The following PGAP1 variants were observed in gnomAD, a reference collection of about 807,000 sequenced individuals.
PGAP1 encodes the protein post-GPI attachment to proteins inositol deacylase 1.
A neutral mutation model predicts 127.0 loss-of-function variants in PGAP1; 76 were observed. The ratio of observed to expected loss-of-function variants is 0.60; its 90% CI spans 0.50 to 0.72. The LOEUF is 0.72. PGAP1 is among the 30% of genes least tolerant of loss of function. PGAP1 has a pLI of 0.00. For synonymous variants in PGAP1, 362 were observed against 366.5 expected, an observed-to-expected ratio of 0.99 and a Z score of 0.14; for missense variants, 982 against 1,071.3, an observed-to-expected ratio of 0.92 and a Z score of 1.16.
At chr2:196,842,409 A>C (rs1012735686) in intron 26 of PGAP1, among the ~76,000 whole-genome samples, 2 of 152,162 alleles carry the variant, frequency 1.3e-5, no homozygotes, top group African/African-American at 4.8e-5. Flanking sequence ...TCAGCCTCAA[A>C]AATTATCAAA....
chr2:196,916,618 A>G (rs761197696), intron 2 of PGAP1, 25 bp from the exon 3 acceptor site: 14 of 1,563,304 alleles, frequency 9.0e-6, no homozygotes, highest in Admixed American at 7.8e-5. Context: ...AGTGAAGTGC[A>G]CATTAAACAA....
At chr2:196,892,570 A>G (rs898056053) in intron 8 of PGAP1, among the ~76,000 whole-genome samples, 169 bp from the exon 9 acceptor site, 11 of 152,110 alleles carry the variant, frequency 7.2e-5, no homozygotes, top group African/African-American at 2.4e-5. Flanking sequence ...CTATACACTC[A>G]TCACCAACTA....
chr2:196,854,085 G>A (rs1322720120), intron 20 of PGAP1, among the ~76,000 whole-genome samples: 1 of 151,594 alleles, frequency 6.6e-6, no homozygotes, highest in South Asian at 2.1e-4. Flanking sequence ...TTTGTACAGA[G>A]AGGGTTTCAC....
intron 2 of PGAP1, among the ~76,000 whole-genome samples, chr2:196,917,430 C>T (rs1257496566): frequency 6.6e-6 from 1 of 152,164 alleles, no homozygotes; most frequent in African/African-American, 2.4e-5. Flanking sequence ...TTACAACCAT[C>T]TCTGAAATCT....
At position 196,902,571 on chromosome 2, in the gene PGAP1, TA is replaced by T. The variant is rs35633244; in HGVS notation, c.807+13del. The stretch of plus-strand genomic sequence containing the variant: ...TTACATTACTATTTCAATAGAATCT[TA>T]AAAAAAGATTACCACAACAGATAAG... On this transcript the variant is annotated intron_variant, in intron 5 of 26. Coordinates refer to ENST00000354764, the MANE Select transcript of PGAP1 (RefSeq NM_024989.4). 3.1e-6 allele frequency: 5 copies of T among 1,588,736 alleles called. No individual in the cohort carries two copies. The highest frequency in any genetic ancestry group is 4.3e-6 in the Non-Finnish European group (5 of 1,168,430).
chr2:196,852,711 G>A (rs1454940811), intron 20 of PGAP1, among the ~76,000 whole-genome samples: 1 of 152,072 alleles, frequency 6.6e-6, no homozygotes, highest in African/African-American at 2.4e-5. Context: ...TGTGAATAAA[G>A]TTATGGGTTG....
At chr2:196,843,732 A>C (rs1700478731) in intron 25 of PGAP1, among the ~76,000 whole-genome samples, 156 bp downstream of exon 25, 1 of 152,128 alleles carries the variant, frequency 6.6e-6, no homozygotes, top group Non-Finnish European at 1.5e-5. Context: ...CATCTCAAAA[A>C]ATTAAAAATA....
At chr2:196,842,543 C>CA (rs1559327000) in intron 26 of PGAP1, among the ~76,000 whole-genome samples, 178 bp downstream of exon 26, 1 of 151,898 alleles carries the variant, frequency 6.6e-6, no homozygotes, top group African/African-American at 2.4e-5. Flanking sequence ...GCATTATATT[C>CA]TATCAAATAA....
intron 20 of PGAP1, among the ~76,000 whole-genome samples, chr2:196,853,642 T>A (rs1164572240): frequency 6.6e-6 from 1 of 152,156 alleles, no homozygotes; most frequent in Non-Finnish European, 1.5e-5. Flanking sequence ...CTTTTGGTAA[T>A]AAAAAACCTA....
chr2:196,889,518 C>CAA (rs1180672359), intron 10 of PGAP1, among the ~76,000 whole-genome samples: 33 of 133,670 alleles, frequency 2.5e-4, no homozygotes, highest in African/African-American at 8.8e-4. Context: ...TGAGATATGC[C>CAA]AAAAAAAAAA....
intron 20 of PGAP1, among the ~76,000 whole-genome samples, chr2:196,854,120 T>A (rs567335244): frequency 6.6e-6 from 1 of 151,976 alleles, no homozygotes; most frequent in Admixed American, 6.6e-5. Flanking sequence ...TAGTCTTGAA[T>A]TCCTAGGCTC....
At chr2:196,861,527 T>G (rs1026529291) in intron 20 of PGAP1, among the ~76,000 whole-genome samples, 4 of 152,168 alleles carry the variant, frequency 2.6e-5, no homozygotes, top group African/African-American at 9.7e-5. Context: ...GAACAGACAT[T>G]TCTCAACAGA....
At chr2:196,853,542 A>G (rs1700784073) in intron 20 of PGAP1, among the ~76,000 whole-genome samples, 2 of 152,192 alleles carry the variant, frequency 1.3e-5, no homozygotes, top group South Asian at 4.1e-4. Flanking sequence ...AAATTCAAGT[A>G]CCCATTCATC....
chr2:196,904,909 T>C (rs1053013738), intron 4 of PGAP1, among the ~76,000 whole-genome samples: 7 of 152,096 alleles, frequency 4.6e-5, no homozygotes, highest in African/African-American at 7.2e-5. Context: ...CTTCCTCCTA[T>C]TGAAAGGCAG....
At chr2:196,844,440 T>C in intron 24 of PGAP1, 84 bp downstream of exon 24, 2 of 931,616 alleles carry the variant, frequency 2.1e-6, no homozygotes, top group South Asian at 1.7e-5. Flanking sequence ...CACTATGAAA[T>C]ACTAACCTTA....
intron 20 of PGAP1, among the ~76,000 whole-genome samples, chr2:196,850,090 T>G (rs1159708467): frequency 2.0e-5 from 3 of 152,100 alleles, no homozygotes; most frequent in Non-Finnish European, 4.4e-5. Context: ...AGCCACAGGG[T>G]GGCAGTGGTT....
intron 18 of PGAP1, among the ~76,000 whole-genome samples, chr2:196,871,986 G>C (rs1701424019): frequency 6.6e-6 from 1 of 151,854 alleles, no homozygotes; most frequent in Non-Finnish European, 1.5e-5. Context: ...AAACACAATA[G>C]GTATGAAATC....
At position 196,919,727 on chromosome 2, in the gene PGAP1, G is replaced by T. The variant is rs181710509; in HGVS notation, c.301+270C>A. Among the ~76,000 whole-genome samples the T allele has an allele frequency of 2.0e-5, 3 of 152,196 alleles. No individual in the cohort carries two copies. The East Asian group carries it at 5.8e-4, about 29-fold the overall frequency. On this transcript the variant is annotated intron_variant, in intron 2 of 26. Coordinates refer to ENST00000354764, the MANE Select transcript of PGAP1 (RefSeq NM_024989.4). ...GTTTCCTCTGCTGATTCCCCAAGGG[G>T]TTCCCCTTTATCATCTACTTATCCC... is the stretch of plus-strand genomic sequence containing the variant.
intron 26 of PGAP1, among the ~76,000 whole-genome samples, 199 bp downstream of exon 26, chr2:196,842,521 GA>G (rs200071090): frequency 2.0e-4 from 30 of 148,988 alleles, no homozygotes; most frequent in Admixed American, 7.3e-4. Context: ...ACTTCATAAA[GA>G]AAAAAAAACT....
Sources: allele counts gnomAD v4.1 joint callset (sites outside exome capture counted in the v4.1 genomes callset), GRCh38; gene constraint gnomAD v4.1.1; transcripts MANE v1.5; gene names NCBI Gene and HGNC (gene_info 2026-07-23, HGNC 2026-07-21).